MEGF11: variants seen among roughly 807,000 people sequenced by gnomAD.
The protein encoded by MEGF11 is multiple epidermal growth factor-like domains protein 11.
In MEGF11, 126 loss-of-function variants were observed where a neutral mutation model predicts 146.6. The observed-to-expected ratio is 0.86, with a 90% CI of 0.74 to 1.00. The LOEUF (loss-of-function observed/expected upper bound fraction) is 1.00. Among genes scored for constraint, MEGF11 ranks in the 50% least tolerant of loss-of-function variants. The pLI is 0.00. For synonymous variants in MEGF11, 532 were observed against 583.4 expected (o/e 0.91, Z 1.27); for missense variants, 1,509 against 1,521.2 (o/e 0.99, Z 0.13).
chr15:66,178,081 G>A (rs987033600), intron 1 of MEGF11, among the ~76,000 whole-genome samples: 3 of 151,942 alleles, frequency 2.0e-5, no homozygotes, highest in South Asian at 2.1e-4. Context: ...CAGCCCCACC[G>A]CCACTTTGCT....
chr15:66,186,864 G>C lies in MEGF11; in HGVS notation c.-8-58453C>G, dbSNP rs150188804. ...CAGAAAAGTCAAGAAACTTGCCCAG[G>C]GTCACAGAGCTACTGATGGCTGAGC... On this transcript the variant is annotated intron_variant, in intron 1 of 25. Transcript: ENST00000395614. 1.1e-4 allele frequency among the ~76,000 whole-genome samples: 17 copies of C among 152,298 alleles called. 1 individual carries two copies. In the East Asian group the frequency reaches 2.7e-3, roughly 24 times the overall value.
At chr15:65,940,201 AC>A (rs2079936856) in intron 10 of MEGF11, among the ~76,000 whole-genome samples, 1 of 151,890 alleles carries the variant, frequency 6.6e-6, no homozygotes, top group Non-Finnish European at 1.5e-5. Context: ...TCTGTTCATC[AC>A]CCCAGCCATT....
At chr15:66,183,706 C>T (rs2090617402) in intron 1 of MEGF11, among the ~76,000 whole-genome samples, 1 of 152,144 alleles carries the variant, frequency 6.6e-6, no homozygotes, top group Non-Finnish European at 1.5e-5. Flanking sequence ...GACAGGGCTT[C>T]TCAGACACCT....
chr15:66,067,588 C>G (rs562526340), intron 5 of MEGF11, among the ~76,000 whole-genome samples: 1 of 152,336 alleles, frequency 6.6e-6, no homozygotes, highest in East Asian at 1.9e-4. Flanking sequence ...CTTTGGCCAA[C>G]CAGACCTACA....
At chr15:66,033,694 G>A (rs2083616987) in intron 5 of MEGF11, among the ~76,000 whole-genome samples, 1 of 152,266 alleles carries the variant, frequency 6.6e-6, no homozygotes, top group Non-Finnish European at 1.5e-5. Flanking sequence ...ACACCAGTGT[G>A]TCCAGACTGC....
At chr15:66,056,888 C>T (rs1391869301) in intron 5 of MEGF11, among the ~76,000 whole-genome samples, 3 of 152,198 alleles carry the variant, frequency 2.0e-5, no homozygotes, top group Admixed American at 6.5e-5. Context: ...GAGCAGCTTT[C>T]GCCAAGCTGC....
At chr15:66,128,631 C>T (rs71398249) in intron 1 of MEGF11, among the ~76,000 whole-genome samples, 1 of 152,136 alleles carries the variant, frequency 6.6e-6, no homozygotes, top group Non-Finnish European at 1.5e-5. Context: ...TTTTTTGACT[C>T]AGGGACTGCT....
chr15:66,029,059 A>G (rs2083431202), intron 5 of MEGF11, among the ~76,000 whole-genome samples: 1 of 152,184 alleles, frequency 6.6e-6, no homozygotes, highest in Admixed American at 6.5e-5. Context: ...CCCTGTCTGT[A>G]TCCCAGAGTA....
chr15:66,166,208 G>T (rs898746710), intron 1 of MEGF11, among the ~76,000 whole-genome samples: 2 of 152,032 alleles, frequency 1.3e-5, no homozygotes, highest in Middle Eastern at 3.2e-3. Context: ...TGCTCTCCCC[G>T]CCCAGGGTTT....
intron 1 of MEGF11, among the ~76,000 whole-genome samples, chr15:66,215,939 C>T (rs1023774086): frequency 2.0e-5 from 3 of 152,146 alleles, no homozygotes; most frequent in African/African-American, 7.2e-5. Context: ...TCATTCTCAA[C>T]CGAGGCTCTC....
chr15:66,101,221 G>A (rs960172343), intron 4 of MEGF11, among the ~76,000 whole-genome samples: 15 of 152,138 alleles, frequency 9.9e-5, no homozygotes, highest in African/African-American at 1.4e-4. Flanking sequence ...ACTTGTCTGT[G>A]TGACTCCTTC....
At position 65,970,634 on chromosome 15, in the gene MEGF11, TG is replaced by T. The variant is rs769679822; in HGVS notation, c.817del (p.Gln273ArgfsTer14). 87 of 1,613,520 alleles carry T rather than the reference TG, an allele frequency of 5.4e-5. No homozygotes were observed. Among genetic ancestry groups the T allele is most frequent in the Non-Finnish European group, 6.7e-5 (79 of 1,179,742 alleles). ...PPGTFGQNCS[Q>X]DCPCHHGGQC... ...CCCTCCATGGTGGCAAGGACAATCCTGGCTGCAGTTCTGGCCAAATGTCCCT... is the reference window on the plus strand; with the variant it reads ...CCCTCCATGGTGGCAAGGACAATCCTGCTGCAGTTCTGGCCAAATGTCCCT... On this transcript the variant is annotated frameshift_variant, in exon 8 of 26. Transcript: ENST00000395614. LOFTEE classifies it high-confidence loss of function.
intron 4 of MEGF11, among the ~76,000 whole-genome samples, chr15:66,099,126 A>T (rs2086671300): frequency 6.6e-6 from 1 of 152,048 alleles, no homozygotes; most frequent in South Asian, 2.1e-4. Context: ...CCTGGGTTGC[A>T]GGACTGGGGC....
At chr15:66,211,308 A>G (rs182462328) in intron 1 of MEGF11, among the ~76,000 whole-genome samples, 3,243 of 152,216 alleles carry the variant, frequency 0.021, 44 homozygotes, top group Non-Finnish European at 0.03. Context: ...CGGATCACGA[A>G]GTCAGGAGAT....
intron 4 of MEGF11, among the ~76,000 whole-genome samples, chr15:66,097,702 C>T (rs1267830845): frequency 6.6e-6 from 1 of 150,752 alleles, no homozygotes; most frequent in Non-Finnish European, 1.5e-5. Flanking sequence ...CTGCTTCTGA[C>T]CTCCCAGTGT....
chr15:66,216,911 C>T (rs1244349130), intron 1 of MEGF11, among the ~76,000 whole-genome samples: 5 of 152,218 alleles, frequency 3.3e-5, no homozygotes, highest in African/African-American at 1.2e-4. Context: ...GGTTAGTTGG[C>T]TAAAGAGAAG....
chr15:66,030,567 G>T (rs533133124), intron 5 of MEGF11, among the ~76,000 whole-genome samples: 5 of 152,112 alleles, frequency 3.3e-5, no homozygotes, highest in African/African-American at 1.2e-4. Context: ...TCACCACCAC[G>T]CCCAGCTAAT....
At chr15:65,988,510 C>G (rs898794068) in intron 5 of MEGF11, among the ~76,000 whole-genome samples, 1 of 152,132 alleles carries the variant, frequency 6.6e-6, no homozygotes, top group Admixed American at 6.5e-5. Flanking sequence ...TTTATCCATT[C>G]GTCTGTTGAT....
chr15:66,015,173 G>A (rs1445606059), intron 5 of MEGF11, among the ~76,000 whole-genome samples: 1 of 152,130 alleles, frequency 6.6e-6, no homozygotes, highest in East Asian at 1.9e-4. Context: ...CACACGGAGG[G>A]GTCTACATAC....
Sources: gnomAD v4.1 joint callset for allele counts (sites outside exome capture counted in the v4.1 genomes callset) on GRCh38, gnomAD v4.1.1 for gene constraint, MANE v1.5 for transcripts, NCBI Gene and HGNC (gene_info 2026-07-23, HGNC 2026-07-21) for gene names.